The following STIM2 variants were observed in gnomAD, a reference collection of about 807,000 sequenced individuals.
The protein encoded by STIM2 is stromal interaction molecule 2.
A neutral mutation model predicts 85.8 loss-of-function variants in STIM2; 31 were observed. The ratio of observed to expected loss-of-function variants is 0.36; its 90% CI spans 0.27 to 0.49. STIM2 has a LOEUF of 0.49. Among genes scored for constraint, STIM2 ranks in the 20% least tolerant of loss-of-function variants. The pLI is 0.98. For missense variants in STIM2, 841 were observed against 927.6 expected, an observed-to-expected ratio of 0.91 and a Z score of 1.21; for synonymous variants, 356 against 331.1, an observed-to-expected ratio of 1.08 and a Z score of -0.82.
intron 2 of STIM2, among the ~76,000 whole-genome samples, chr4:26,951,010 A>G (rs1246142084): frequency 6.6e-6 from 1 of 152,186 alleles, no homozygotes; most frequent in African/African-American, 2.4e-5. Flanking sequence ...TTTATTAAAT[A>G]TCAGATAGCT....
Position 26,975,397 on chromosome 4 carries a change from G to C in STIM2, c.397+17671G>C, listed in dbSNP as rs1053885301. On this transcript the variant is annotated intron_variant, in intron 3 of 11. Coordinates refer to ENST00000467087, the MANE Select transcript of STIM2 (RefSeq NM_020860.4). ...GTGGTTTTATCTACTTTTGGTCTTT[G>C]ATGTTCGTGACCTACAGATGGGGTT... Among the ~76,000 whole-genome samples, 3 of 152,246 alleles carry C rather than the reference G, an allele frequency of 2.0e-5. No individual in the cohort carries two copies. In the East Asian group the frequency reaches 5.8e-4, roughly 29 times the overall value.
At chr4:27,008,635 A>T in intron 9 of STIM2, 107 bp downstream of exon 9, 1 of 1,121,396 alleles carries the variant, frequency 8.9e-7, no homozygotes, top group Non-Finnish European at 1.3e-6. Context: ...AATTTACATT[A>T]GTTTTAAGAG....
At chr4:27,006,003 C>T (rs1437582762) in intron 7 of STIM2, among the ~76,000 whole-genome samples, 1 of 152,158 alleles carries the variant, frequency 6.6e-6, no homozygotes, top group Admixed American at 6.5e-5. Context: ...TGGTGTTATG[C>T]AGGTCTGCAT....
intron 1 of STIM2, among the ~76,000 whole-genome samples, chr4:26,913,313 C>T (rs1235255793): frequency 6.6e-6 from 1 of 151,702 alleles, no homozygotes; most frequent in Non-Finnish European, 1.5e-5. Flanking sequence ...TGTATAGTAA[C>T]TATACATAGT....
intron 7 of STIM2, among the ~76,000 whole-genome samples, chr4:27,007,217 C>T (rs369349491): frequency 4.6e-5 from 7 of 151,886 alleles, no homozygotes; most frequent in African/African-American, 1.7e-4. Flanking sequence ...TCATAACATA[C>T]AAAACTAAAT....
chr4:26,879,347 C>G (rs1192444331), intron 1 of STIM2, among the ~76,000 whole-genome samples: 1 of 149,898 alleles, frequency 6.7e-6, no homozygotes, highest in African/African-American at 2.5e-5. Context: ...TTTTTTTTAC[C>G]TGCCTGTGGT....
intron 4 of STIM2, among the ~76,000 whole-genome samples, chr4:26,998,687 C>T (rs935808034): frequency 7.9e-5 from 12 of 151,690 alleles, no homozygotes; most frequent in African/African-American, 1.7e-4. Flanking sequence ...CTGAGGCGGG[C>T]GGATCACGAG....
intron 3 of STIM2, among the ~76,000 whole-genome samples, chr4:26,962,333 A>T (rs190221283): frequency 1.3e-5 from 2 of 152,350 alleles, no homozygotes; most frequent in East Asian, 3.9e-4. Context: ...TAAACTAAAA[A>T]GTTCGGCCAT....
chr4:26,932,170 A>G (rs1238066938), intron 2 of STIM2, among the ~76,000 whole-genome samples: 3 of 152,186 alleles, frequency 2.0e-5, no homozygotes, highest in Admixed American at 2.0e-4. Context: ...AAGCTTGTAA[A>G]TGATAGAGTT....
intron 1 of STIM2, among the ~76,000 whole-genome samples, chr4:26,889,149 C>T (rs778688867): frequency 6.6e-6 from 1 of 152,212 alleles, no homozygotes; most frequent in Non-Finnish European, 1.5e-5. Flanking sequence ...ATTTCTCTCT[C>T]TGGATTCTGG....
At chr4:26,894,496 A>AT (rs913586175) in intron 1 of STIM2, among the ~76,000 whole-genome samples, 4 of 146,738 alleles carry the variant, frequency 2.7e-5, no homozygotes, top group Non-Finnish European at 4.5e-5. Context: ...TCTGATTTCC[A>AT]TTTTTTTCCT....
In STIM2 at chr4:26,943,501, C is replaced by T. The variant is rs556037761; in HGVS notation, c.283-14111C>T. 6.0e-4 allele frequency among the ~76,000 whole-genome samples: 91 copies of T among 152,236 alleles called. 1 individual carries two copies. In the Middle Eastern group the frequency reaches 0.02, roughly 34 times the overall value. Reference sequence around the variant, plus strand: ...CACCTGGATCCTTTAGGCACAACCTCGCCTTTGATAGGTTTCTTGCTTTCC... The same window carrying T: ...CACCTGGATCCTTTAGGCACAACCTTGCCTTTGATAGGTTTCTTGCTTTCC... On this transcript the variant is annotated intron_variant, in intron 2 of 11. Coordinates refer to ENST00000467087, the MANE Select transcript of STIM2 (RefSeq NM_020860.4).
At chr4:26,962,559 AGTGTGTGTGTGTGTGTGTGTGTGTGT>A (rs34301656) in intron 3 of STIM2, among the ~76,000 whole-genome samples, 1 of 142,618 alleles carries the variant, frequency 7.0e-6, no homozygotes, top group South Asian at 2.3e-4. Context: ...ACTTTAATGC[AGTGTGTGTGTGTGTGTGTGTGTGTGT>A]GTGTGTGTGT....
chr4:26,905,422 A>G (rs1278134368), intron 1 of STIM2, among the ~76,000 whole-genome samples: 1 of 152,224 alleles, frequency 6.6e-6, no homozygotes, highest in African/African-American at 2.4e-5. Flanking sequence ...GGTGAGGGAC[A>G]GTAATCTATG....
At chr4:26,954,429 G>A (rs188342812) in intron 2 of STIM2, among the ~76,000 whole-genome samples, 7 of 127,814 alleles carry the variant, frequency 5.5e-5, no homozygotes, top group Middle Eastern at 3.8e-3. Flanking sequence ...ATTATTTGCC[G>A]TACATTATTT....
At chr4:26,959,417 C>A (rs1411187042) in intron 3 of STIM2, among the ~76,000 whole-genome samples, 4 of 152,076 alleles carry the variant, frequency 2.6e-5, no homozygotes, top group Non-Finnish European at 4.4e-5. Flanking sequence ...CTAACCTCCC[C>A]TTTTACTCAT....
chr4:26,957,844 G>A, intron 3 of STIM2, 118 bp downstream of exon 3: 1 of 607,420 alleles, frequency 1.6e-6, no homozygotes, highest in Non-Finnish European at 2.9e-6. Flanking sequence ...TTTCTGTGAG[G>A]ATATTTATAT....
chr4:26,868,840 G>C (rs776048002), intron 1 of STIM2, among the ~76,000 whole-genome samples: 23 of 152,066 alleles, frequency 1.5e-4, no homozygotes, highest in African/African-American at 2.2e-4. Context: ...GTCATGTTTA[G>C]CTCTTATTTC....
chr4:26,935,805 C>G (rs1725370862), intron 2 of STIM2, among the ~76,000 whole-genome samples: 1 of 152,136 alleles, frequency 6.6e-6, no homozygotes, highest in Non-Finnish European at 1.5e-5. Context: ...AAATATGGTT[C>G]ATGACTTACT....
Sources: gnomAD v4.1 joint callset for allele counts (sites outside exome capture counted in the v4.1 genomes callset) on GRCh38, gnomAD v4.1.1 for gene constraint, MANE v1.5 for transcripts, NCBI Gene and HGNC (gene_info 2026-07-23, HGNC 2026-07-21) for gene names.